UHRF1: variants seen among roughly 807,000 people sequenced by gnomAD.
UHRF1 encodes E3 ubiquitin-protein ligase UHRF1.
A neutral mutation model predicts 96.5 loss-of-function variants in UHRF1; 9 were observed. The ratio of observed to expected loss-of-function variants is 0.09; its 90% CI spans 0.06 to 0.16. The LOEUF (loss-of-function observed/expected upper bound fraction) is 0.16. Ranked by LOEUF, UHRF1 falls within the 10% of genes least tolerant of loss-of-function variation. The pLI is 1.00. For missense variants in UHRF1, 626 were observed against 1,131.1 expected, an observed-to-expected ratio of 0.55 and a Z score of 6.40; for synonymous variants, 455 against 469.9, an observed-to-expected ratio of 0.97 and a Z score of 0.41.
intron 13 of UHRF1, among the ~76,000 whole-genome samples, chr19:4,953,248 C>T: frequency 6.6e-6 from 1 of 152,170 alleles, no homozygotes; most frequent in South Asian, 2.1e-4. Flanking sequence ...AGGCGTCCCC[C>T]CCTTACCAGG....
At position 4,930,116 on chromosome 19, in the gene UHRF1, A is replaced by C. The variant is rs1001358262; in HGVS notation, c.409-600A>C. On this transcript the variant is annotated intron_variant, in intron 3 of 16. Transcript: ENST00000650932. The surrounding 1 kb of genome is among the most constrained non-coding windows in gnomAD (Gnocchi z 4.4). ...CAGCCTCCTGAGTAGCTGGGATTAC[A>C]GGCATGTGCCACCACACCTGGCTAA... 6.6e-6 allele frequency among the ~76,000 whole-genome samples: 1 copy of C among 152,174 alleles called. No homozygotes were observed. Among genetic ancestry groups the C allele is most frequent in the African/African-American group, 2.4e-5 (1 of 41,436 alleles).
chr19:4,911,133 C>CG, intron 2 of UHRF1, 95 bp downstream of exon 2: 1 of 1,254,862 alleles, frequency 8.0e-7, no homozygotes, highest in South Asian at 1.6e-5. Context: ...ACCTCCCCCC[C>CG]CAACAACCTC....
intron 2 of UHRF1, among the ~76,000 whole-genome samples, chr19:4,924,616 C>T (rs1396243468): frequency 6.6e-6 from 1 of 152,078 alleles, no homozygotes; most frequent in Non-Finnish European, 1.5e-5. Context: ...ACTTTATTTT[C>T]TAGAGCAGTT....
At chr19:4,957,712 C>A (rs574271452) in intron 16 of UHRF1, among the ~76,000 whole-genome samples, 11 of 152,272 alleles carry the variant, frequency 7.2e-5, no homozygotes, top group Non-Finnish European at 1.5e-4. Flanking sequence ...GTGGGGCCGT[C>A]CTGGGCACTG....
rs17880846 is a variant in UHRF1, at chr19:4,945,855, C to T, written c.1306-6C>T. The T allele has an allele frequency of 2.6e-3, 4,203 of 1,603,278 alleles. 92 individuals carry two copies. The African/African-American group carries it at 0.048, about 18-fold the overall frequency. ...GACACCATGTATATCTTGGTGGCAT[C>T]CTCAGGTCAGCGAGTCGGGTGTCCA... On this transcript the variant is annotated splice_region_variant and splice_polypyrimidine_tract_variant and intron_variant, in intron 9 of 16. Coordinates refer to ENST00000650932, the MANE Select transcript of UHRF1 (RefSeq NM_001048201.3).
chr19:4,940,163 A>G lies in UHRF1; in HGVS notation c.786-1365A>G, dbSNP rs531029089. On this transcript the variant is annotated intron_variant, in intron 5 of 16. Transcript: ENST00000650932. ...ACTGGGTTCTATGGAACATATTCCA[A>G]TTACTTCCACCTATGTTTACCTCTC... Among the ~76,000 whole-genome samples, 4 of 152,172 alleles carry G rather than the reference A, an allele frequency of 2.6e-5. No individual in the cohort carries two copies. In the East Asian group the frequency reaches 7.7e-4, roughly 29 times the overall value.
chr19:4,951,658 G>T (rs913023175), intron 13 of UHRF1, among the ~76,000 whole-genome samples: 1 of 148,002 alleles, frequency 6.8e-6, no homozygotes, highest in East Asian at 2.0e-4. Context: ...GACCAGTCAG[G>T]CATCTGGTGT....
At position 4,904,038 on chromosome 19, in the gene UHRF1, G is replaced by A. The variant is rs140030727; in HGVS notation, c.-11+393G>A. Among the ~76,000 whole-genome samples, 641 of 151,952 alleles carry A rather than the reference G, an allele frequency of 4.2e-3. 3 individuals are homozygous for A. Among genetic ancestry groups the A allele is most frequent in the South Asian group, 0.03 (143 of 4,812 alleles). On this transcript the variant is annotated intron_variant, in intron 1 of 16. Coordinates refer to the UHRF1 transcript ENST00000612630. ...GTTGCCCAGGCTGGAGTGCAGTGGC[G>A]TGATCTCGGCTCACTGCAACCTCTG...
At chr19:4,945,104 C>T (rs990882302) in intron 9 of UHRF1, among the ~76,000 whole-genome samples, 2 of 152,192 alleles carry the variant, frequency 1.3e-5, no homozygotes, top group African/African-American at 4.8e-5. Flanking sequence ...GCTCCTGGGG[C>T]AGCGCTGTAT....
chr19:4,909,955 C>T (rs990991884), intron 1 of UHRF1, among the ~76,000 whole-genome samples: 17 of 150,960 alleles, frequency 1.1e-4, no homozygotes, highest in Admixed American at 3.3e-4. Flanking sequence ...CGGGGCGCCC[C>T]GCGATTCAAT....
At chr19:4,908,256 A>G (rs563994331), upstream of UHRF1, among the ~76,000 whole-genome samples, 4 of 152,252 alleles carry the variant, frequency 2.6e-5, no homozygotes, top group Non-Finnish European at 4.4e-5. Context: ...CTAGAGACGC[A>G]TATCTTCGGG....
rs2033659027 is a variant in UHRF1, at chr19:4,949,467, C to T, written c.1518-1144C>T. Among the ~76,000 whole-genome samples the T allele has an allele frequency of 2.6e-5, 3 of 114,586 alleles. No individual in the cohort carries two copies. The South Asian group carries it at 1.0e-3, about 38-fold the overall frequency. The allele number at this position is 114,586 out of a possible 152,430, so 75.2% of individuals were successfully genotyped here. A position where few individuals can be genotyped will look rare whatever the true frequency, so the allele number is the denominator to read the frequency against. On this transcript the variant is annotated intron_variant, in intron 11 of 16. Coordinates refer to ENST00000650932, the MANE Select transcript of UHRF1 (RefSeq NM_001048201.3). ...TCATACCATTATCTAAAACAATTGG[C>T]ACATAGACACACACACACACACACA... is the stretch of plus-strand genomic sequence containing the variant.
chr19:4,943,254 G>T (rs1365808502), intron 7 of UHRF1, among the ~76,000 whole-genome samples: 1 of 151,810 alleles, frequency 6.6e-6, no homozygotes, highest in East Asian at 1.9e-4. Context: ...CAAAAAAAAA[G>T]GGGGGGTGGT....
rs2033103354 is a variant in UHRF1, at chr19:4,932,945, C to T, written c.774C>T (p.Asn258=). ...ETRTARELYA[N]VVLGDDSLND... Reference sequence around the variant, plus strand: ...GGACGGCGCGGGAACTCTACGCCAACGTGGTGCTGGGGTGAGCCTCGCGTC... The same window carrying T: ...GGACGGCGCGGGAACTCTACGCCAATGTGGTGCTGGGGTGAGCCTCGCGTC... Residue 258 remains asparagine (N), a synonymous_variant, in exon 5 of 17, where the codon AAC becomes AAT. Coordinates refer to ENST00000650932, the MANE Select transcript of UHRF1 (RefSeq NM_001048201.3). 10 of 1,611,744 alleles carry T rather than the reference C, an allele frequency of 6.2e-6. No individual in the cohort carries two copies. The highest frequency in any genetic ancestry group is 2.2e-5 in the East Asian group (1 of 44,810).
intron 5 of UHRF1, among the ~76,000 whole-genome samples, chr19:4,939,486 T>C (rs2033319795): frequency 6.6e-6 from 1 of 151,988 alleles, no homozygotes; most frequent in African/African-American, 2.4e-5. Flanking sequence ...CTGAAGCAAT[T>C]CTCCTGCCTT....
chr19:4,933,801 C>G (rs1366889751), intron 5 of UHRF1, among the ~76,000 whole-genome samples: 1 of 152,126 alleles, frequency 6.6e-6, no homozygotes, highest in East Asian at 1.9e-4. Flanking sequence ...CGTGGTCACA[C>G]CCATTTTTAT....
rs564788326 is a variant in UHRF1 at position 4,960,759 on chromosome 19, A to G, written c.2338A>G (p.Thr780Ala). ...CATGCAGGTGAACCAGCCTCTGCAGACCGTCCTCAACCAGCTCTTCCCCGG... is the reference window on the plus strand; with the variant it reads ...CATGCAGGTGAACCAGCCTCTGCAGGCCGTCCTCAACCAGCTCTTCCCCGG... ...YAMQVNQPLQ[T>A]VLNQLFPGYG... Residue 780 changes from threonine to alanine, a missense_variant, in exon 17 of 17, where the codon ACC (threonine) becomes GCC (alanine). Around this residue, in one of 11 missense-constraint regions of UHRF1, gnomAD observed 84 missense variants for 150.3 expected, o/e 0.56. Transcript: ENST00000650932. 6.0e-5 allele frequency: 95 copies of G among 1,572,396 alleles called. 1 individual carries two copies. The South Asian group carries it at 1.0e-3, about 17-fold the overall frequency.
chr19:4,953,718 G>C (rs1384460893), intron 13 of UHRF1, among the ~76,000 whole-genome samples: 2 of 152,134 alleles, frequency 1.3e-5, no homozygotes, highest in Admixed American at 1.3e-4. Flanking sequence ...CCCCTGCCTT[G>C]GCTTCCCAAA....
chr19:4,940,673 T>A (rs1213459011), intron 5 of UHRF1, among the ~76,000 whole-genome samples: 1 of 151,510 alleles, frequency 6.6e-6, no homozygotes, highest in Non-Finnish European at 1.5e-5. Flanking sequence ...ACTTGATTTA[T>A]TTATATATTT....
Sources: gnomAD v4.1 joint callset for allele counts (sites outside exome capture counted in the v4.1 genomes callset) on GRCh38, gnomAD v4.1.1 for gene constraint, gnomAD v4.1.1 regional missense constraint, Gnocchi (gnomAD v3.1) non-coding constraint, MANE v1.5 for transcripts, NCBI Gene and HGNC (gene_info 2026-07-23, HGNC 2026-07-21) for gene names.